ZFYVE9: variants seen among roughly 807,000 people sequenced by gnomAD.
The protein encoded by ZFYVE9 is zinc finger FYVE-type containing 9.
Under a neutral mutation model 126.7 loss-of-function variants are expected in ZFYVE9, and 43 were observed. The ratio of observed to expected loss-of-function variants is 0.34; its 90% CI spans 0.27 to 0.44. ZFYVE9 has a LOEUF of 0.44. Ranked by LOEUF, ZFYVE9 falls within the 20% of genes least tolerant of loss-of-function variation. The pLI, the probability that ZFYVE9 is intolerant of heterozygous loss-of-function variation, is 1.00. For missense variants in ZFYVE9, 1,476 were observed against 1,697.0 expected (o/e 0.87, Z 2.29); for synonymous variants, 521 against 597.4 (o/e 0.87, Z 1.87).
At chr1:52,226,387 T>A (rs1645170833) in intron 2 of ZFYVE9, among the ~76,000 whole-genome samples, 2 of 152,044 alleles carry the variant, frequency 1.3e-5, no homozygotes, top group Non-Finnish European at 2.9e-5. Flanking sequence ...AATACAAAAA[T>A]TAGCCGGGCA....
chr1:52,203,467 CTTTTTTT>C (rs143649191), intron 1 of ZFYVE9, among the ~76,000 whole-genome samples: 1 of 89,942 alleles, frequency 1.1e-5, no homozygotes, highest in Non-Finnish European at 2.3e-5. Context: ...ACAGACCCGT[CTTTTTTT>C]TTTTTTTTTT....
In ZFYVE9 at chr1:52,219,804, G is replaced by GTGTGT. The variant is rs1553126056; in HGVS notation, c.-37+3330_-37+3331insTGTGT. On this transcript the variant is annotated intron_variant, in intron 2 of 18. Transcript: ENST00000287727. ...GTGTGTGTGTGTGTGTGTGTGTGTG[G>GTGTGT]CAGAGTCTTACTCTGTCGCCCGGGC... Among the ~76,000 whole-genome samples, 251 of 88,142 alleles carry GTGTGT rather than the reference G, an allele frequency of 2.8e-3. 3 individuals carry two copies. The highest frequency in any genetic ancestry group is 0.013 in the Middle Eastern group (2 of 154). 57.8% of individuals were successfully genotyped at this position (88,142 alleles called of 152,430 possible).
intron 2 of ZFYVE9, among the ~76,000 whole-genome samples, chr1:52,219,980 A>G (rs1485495361): frequency 2.0e-5 from 3 of 151,628 alleles, no homozygotes; most frequent in Non-Finnish European, 4.4e-5. Context: ...GTTTCACCAT[A>G]TTGGCCAGGC....
intron 1 of ZFYVE9, among the ~76,000 whole-genome samples, chr1:52,185,397 T>C (rs952083336): frequency 2.0e-5 from 3 of 152,198 alleles, no homozygotes; most frequent in African/African-American, 4.8e-5. Flanking sequence ...AAATTATCAA[T>C]GGTTAGTGTA....
chr1:52,208,463 A>G (rs985371694), intron 1 of ZFYVE9, among the ~76,000 whole-genome samples: 5 of 151,970 alleles, frequency 3.3e-5, no homozygotes, highest in Admixed American at 3.3e-4. Context: ...AGACAGCACA[A>G]AACCTTGAGA....
intron 4 of ZFYVE9, among the ~76,000 whole-genome samples, chr1:52,245,424 T>G (rs1314748380): frequency 6.6e-6 from 1 of 152,096 alleles, no homozygotes; most frequent in African/African-American, 2.4e-5. Context: ...GTGAGGAGAA[T>G]GAGATACTAA....
intron 13 of ZFYVE9, among the ~76,000 whole-genome samples, chr1:52,310,910 G>A (rs561556451): frequency 3.0e-4 from 45 of 152,146 alleles, no homozygotes; most frequent in Non-Finnish European, 6.5e-4. Flanking sequence ...TTGCTGTGTT[G>A]CCCAGGCAGG....
chr1:52,253,900 A>T, intron 4 of ZFYVE9: 2 of 1,093,264 alleles, frequency 1.8e-6, no homozygotes, highest in South Asian at 2.5e-5. Flanking sequence ...TCCAAGCAAG[A>T]TTTCAGCCAA....
rs77668729 is a variant in ZFYVE9, at chr1:52,225,270, C to T, written c.-36-7901C>T. 7.3e-3 allele frequency among the ~76,000 whole-genome samples: 1,118 copies of T among 152,294 alleles called. 15 individuals carry two copies. Among genetic ancestry groups the T allele is most frequent in the African/African-American group, 0.026 (1,077 of 41,552 alleles). On this transcript the variant is annotated intron_variant, in intron 2 of 18. Coordinates refer to ENST00000287727, the MANE Select transcript of ZFYVE9 (RefSeq NM_004799.4). ...TTTGGGCGAGATTCGATCCTCCACT[C>T]CTGGGGCCACCACAACGAGGCAGTG...
intron 4 of ZFYVE9, among the ~76,000 whole-genome samples, chr1:52,247,522 A>T (rs754927189): frequency 1.3e-5 from 2 of 151,858 alleles, no homozygotes; most frequent in Non-Finnish European, 2.9e-5. Context: ...TTTGAGACGG[A>T]GTCTCGCTTC....
intron 9 of ZFYVE9, among the ~76,000 whole-genome samples, 164 bp downstream of exon 9, chr1:52,278,778 G>A (rs560822671): frequency 6.7e-6 from 1 of 148,746 alleles, no homozygotes; most frequent in Non-Finnish European, 1.5e-5. Context: ...CCAGGCTGGA[G>A]TGCAGTGGCA....
At chr1:52,151,328 T>C (rs1644354537) in intron 1 of ZFYVE9, among the ~76,000 whole-genome samples, 1 of 152,166 alleles carries the variant, frequency 6.6e-6, no homozygotes, top group South Asian at 2.1e-4. Flanking sequence ...ATAAGGTCAT[T>C]ATATTATTAT....
At chr1:52,205,849 C>T (rs981739658) in intron 1 of ZFYVE9, among the ~76,000 whole-genome samples, 1 of 152,120 alleles carries the variant, frequency 6.6e-6, no homozygotes, top group African/African-American at 2.4e-5. Context: ...AATTATATCT[C>T]CCTGTTAGAT....
At chr1:52,323,928 G>C (rs964910864) in intron 13 of ZFYVE9, among the ~76,000 whole-genome samples, 5 of 149,984 alleles carry the variant, frequency 3.3e-5, no homozygotes, top group Non-Finnish European at 5.9e-5. Context: ...GCGTGATGGC[G>C]CATGCCTGTA....
At chr1:52,270,472 G>A (rs552379311) in intron 7 of ZFYVE9, among the ~76,000 whole-genome samples, 4 of 152,226 alleles carry the variant, frequency 2.6e-5, no homozygotes, top group South Asian at 2.1e-4. Context: ...CACGATGTTA[G>A]CCAGGATGGT....
At chr1:52,182,063 C>T (rs929901827) in intron 1 of ZFYVE9, among the ~76,000 whole-genome samples, 6 of 151,652 alleles carry the variant, frequency 4.0e-5, no homozygotes, top group South Asian at 2.1e-4. Context: ...GTCAGCCCCT[C>T]GCCCGGCCAG....
intron 1 of ZFYVE9, among the ~76,000 whole-genome samples, chr1:52,181,853 C>T (rs1355357585): frequency 1.3e-5 from 2 of 151,686 alleles, no homozygotes; most frequent in Admixed American, 6.6e-5. Context: ...CCTGCAGCCG[C>T]CCCGTCTGAG....
At chr1:52,259,559 G>A (rs974860377) in intron 4 of ZFYVE9, among the ~76,000 whole-genome samples, 2 of 151,376 alleles carry the variant, frequency 1.3e-5, no homozygotes, top group Admixed American at 6.6e-5. Flanking sequence ...AGGCCCAGGC[G>A]GGCAGATCAC....
chr1:52,144,598 A>G (rs1031864418), intron 1 of ZFYVE9, among the ~76,000 whole-genome samples: 2 of 151,778 alleles, frequency 1.3e-5, no homozygotes, highest in Admixed American at 6.6e-5. Flanking sequence ...TAGCAAAACT[A>G]TAAGTCTTTA....
Sources: gnomAD v4.1 joint callset for allele counts (sites outside exome capture counted in the v4.1 genomes callset) on GRCh38, gnomAD v4.1.1 for gene constraint, MANE v1.5 for transcripts, NCBI Gene and HGNC (gene_info 2026-07-23, HGNC 2026-07-21) for gene names.